UNC13C: variants seen among roughly 807,000 people sequenced by gnomAD.
UNC13C encodes protein unc-13 homolog C.
In UNC13C, 174 loss-of-function variants were observed where a neutral mutation model predicts 245.4. The ratio of observed to expected loss-of-function variants is 0.71; its 90% confidence interval spans 0.63 to 0.80. The LOEUF (loss-of-function observed/expected upper bound fraction) is 0.80, where lower values mean the gene tolerates loss of function less well. UNC13C is among the 30% of genes least tolerant of loss of function. The pLI is 0.00. For missense variants in UNC13C, 2,829 were observed against 2,602.9 expected (o/e 1.09, Z -1.89); for synonymous variants, 992 against 895.1 (o/e 1.11, Z -1.93).
intron 4 of UNC13C, among the ~76,000 whole-genome samples, chr15:54,174,108 C>G (rs1012687535): frequency 6.6e-6 from 1 of 152,002 alleles, no homozygotes; most frequent in African/African-American, 2.4e-5. Context: ...TGTTAATATT[C>G]TGTGAAGGAT....
the UNC13C span, among the ~76,000 whole-genome samples, chr15:53,931,317 T>C: frequency 6.6e-6 from 1 of 151,976 alleles, no homozygotes. Flanking sequence ...CACAGGGGCG[T>C]GCTACCACAC....
At chr15:54,525,777 C>T (rs1217503411) in intron 25 of UNC13C, 140 bp downstream of exon 25, 2 of 714,380 alleles carry the variant, frequency 2.8e-6, no homozygotes, top group South Asian at 1.8e-5. Flanking sequence ...TTCTCTGAAA[C>T]ATCTGTTATG....
intron 2 of UNC13C, among the ~76,000 whole-genome samples, chr15:54,080,786 C>A (rs895517799): frequency 6.6e-6 from 1 of 151,690 alleles, no homozygotes; most frequent in African/African-American, 2.4e-5. Context: ...TTTTGTTGAT[C>A]CTTTGTTTGT....
intron 19 of UNC13C, among the ~76,000 whole-genome samples, chr15:54,449,355 T>C (rs993393384): frequency 7.9e-5 from 12 of 152,210 alleles, no homozygotes; most frequent in African/African-American, 2.9e-4. Flanking sequence ...TCCCGGATAA[T>C]ATCCTGCACA....
chr15:54,030,059 A>G (rs548492942), intron 2 of UNC13C, among the ~76,000 whole-genome samples: 2 of 152,152 alleles, frequency 1.3e-5, no homozygotes, highest in East Asian at 1.9e-4. Flanking sequence ...TCAAGTCCCT[A>G]TTGTCTGCTG....
intron 19 of UNC13C, among the ~76,000 whole-genome samples, chr15:54,445,589 G>A (rs8035076): frequency 0.091 from 13,794 of 152,216 alleles, 795 homozygotes; most frequent in African/African-American, 0.16. Context: ...CTGCATAAAT[G>A]TCTTCTTTTG....
intron 7 of UNC13C, among the ~76,000 whole-genome samples, chr15:54,241,783 G>C (rs111741328): frequency 6.6e-6 from 1 of 152,226 alleles, no homozygotes; most frequent in South Asian, 2.1e-4. Context: ...ACTTGTGATC[G>C]GGGCTGCAGA....
chr15:54,464,012 T>C (rs1892032763), intron 19 of UNC13C, among the ~76,000 whole-genome samples: 1 of 152,148 alleles, frequency 6.6e-6, no homozygotes. Context: ...GGAATGATGG[T>C]GACGATAAAG....
At position 54,387,646 on chromosome 15, in the gene UNC13C, G is replaced by T. The variant is rs78936860; in HGVS notation, c.4714-5402G>T. Among the ~76,000 whole-genome samples, 1,555 of 152,192 alleles carry T rather than the reference G, an allele frequency of 0.01. 61 individuals are homozygous for T. The East Asian group carries it at 0.11, about 11-fold the overall frequency. ...CTAACCTATGAACTTCTATAGCTAA[G>T]ATTTCCTTATCTCAGAATTATGAAT... On this transcript the variant is annotated intron_variant, in intron 17 of 32. Transcript: ENST00000260323.
At position 54,013,919 on chromosome 15, in the gene UNC13C, A is replaced by G. The variant is rs1359674981; in HGVS notation, c.1016A>G (p.Tyr339Cys). 1 of 1,613,306 alleles carries G rather than the reference A, an allele frequency of 6.2e-7. No individual in the cohort carries two copies. The highest frequency in any genetic ancestry group is 1.7e-5 in the Admixed American group (1 of 59,794). ...ERFEYVESVV[Y>C]QILIDKMGFS... ...TTTGAATATGTTGAAAGCGTGGTGTACCAAATTCTAATAGATAAAATGGGT... is the reference window on the plus strand; with the variant it reads ...TTTGAATATGTTGAAAGCGTGGTGTGCCAAATTCTAATAGATAAAATGGGT... Residue 339 changes from tyrosine (Y) to cysteine (C), a missense_variant, in exon 2 of 33, where the codon TAC (tyrosine) becomes TGC (cysteine). Coordinates refer to ENST00000260323, the MANE Select transcript of UNC13C (RefSeq NM_001080534.3).
intron 23 of UNC13C, among the ~76,000 whole-genome samples, chr15:54,510,312 AC>A (rs1161936255): frequency 6.6e-6 from 1 of 152,024 alleles, no homozygotes; most frequent in Non-Finnish European, 1.5e-5. Context: ...AATGTCAATG[AC>A]CCTACCTCCT....
chr15:54,270,471 A>T (rs924737573), intron 10 of UNC13C, among the ~76,000 whole-genome samples: 2 of 152,170 alleles, frequency 1.3e-5, no homozygotes, highest in Non-Finnish European at 2.9e-5. Flanking sequence ...TTTGAGGTAG[A>T]TACTATATAT....
intron 4 of UNC13C, among the ~76,000 whole-genome samples, chr15:54,189,018 T>C (rs1486055280): frequency 6.6e-6 from 1 of 152,204 alleles, no homozygotes; most frequent in Admixed American, 6.6e-5. Flanking sequence ...CTTTGAATGC[T>C]GGTTTTTAGG....
intron 4 of UNC13C, among the ~76,000 whole-genome samples, chr15:54,190,444 A>G (rs992932871): frequency 9.2e-5 from 14 of 152,116 alleles, no homozygotes; most frequent in African/African-American, 3.4e-4. Flanking sequence ...GTATCTTTTT[A>G]GTGATGTTCT....
At chr15:54,444,392 C>T (rs1010557635) in intron 19 of UNC13C, among the ~76,000 whole-genome samples, 4 of 150,776 alleles carry the variant, frequency 2.7e-5, no homozygotes, top group African/African-American at 9.7e-5. Context: ...TTTTCCATTC[C>T]TTTACTTTGA....
chr15:53,949,314 G>T, the UNC13C span, among the ~76,000 whole-genome samples: 2 of 152,124 alleles, frequency 1.3e-5, no homozygotes, highest in Non-Finnish European at 2.9e-5. Context: ...CTACTTGTTG[G>T]GTGGGAGACT....
At chr15:54,604,346 A>T (rs1566934804) in intron 30 of UNC13C, among the ~76,000 whole-genome samples, 2 of 152,084 alleles carry the variant, frequency 1.3e-5, no homozygotes, top group Non-Finnish European at 2.9e-5. Context: ...TTTTTCCGTT[A>T]AGAAACACAA....
At chr15:54,145,893 G>T (rs534575239) in intron 4 of UNC13C, among the ~76,000 whole-genome samples, 2 of 152,182 alleles carry the variant, frequency 1.3e-5, no homozygotes, top group Non-Finnish European at 2.9e-5. Flanking sequence ...CAGTATAAAT[G>T]TCTGGCTAAA....
chr15:54,451,162 T>C (rs970084043), intron 19 of UNC13C, among the ~76,000 whole-genome samples: 6 of 152,166 alleles, frequency 3.9e-5, no homozygotes, highest in Non-Finnish European at 8.8e-5. Context: ...TATTTAGTCA[T>C]TTTATGCTAA....
Sources: allele counts gnomAD v4.1 joint callset (sites outside exome capture counted in the v4.1 genomes callset), GRCh38; gene constraint gnomAD v4.1.1; transcripts MANE v1.5; gene names NCBI Gene and HGNC (gene_info 2026-07-23, HGNC 2026-07-21).